Variants in TMEM232 observed in about 807,000 individuals in gnomAD.
TMEM232 encodes transmembrane protein 232.
Under a neutral mutation model 78.8 loss-of-function variants are expected in TMEM232, and 80 were observed. The ratio of observed to expected loss-of-function variants is 1.01; its 90% CI spans 0.85 to 1.22. The LOEUF (loss-of-function observed/expected upper bound fraction) is 1.22. TMEM232 is among the 50% of genes most tolerant of loss of function. The probability of loss-of-function intolerance (pLI) is 0.00; values close to 1 mark genes in which losing one functional copy is unlikely to be tolerated. For missense variants in TMEM232, 881 were observed against 742.2 expected (o/e 1.19, Z -2.17); for synonymous variants, 297 against 254.3 (o/e 1.17, Z -1.60).
chr5:110,588,074 T>A (rs992671757), intron 10 of TMEM232, among the ~76,000 whole-genome samples: 1 of 152,076 alleles, frequency 6.6e-6, no homozygotes, highest in Non-Finnish European at 1.5e-5. Context: ...TAGAATATCA[T>A]TAAAAGATTC....
At chr5:110,657,667 T>C (rs1789266841) in intron 2 of TMEM232, among the ~76,000 whole-genome samples, 1 of 152,088 alleles carries the variant, frequency 6.6e-6, no homozygotes, top group South Asian at 2.1e-4. Flanking sequence ...GAATTTGTTT[T>C]CGTGTTCTAT....
intron 10 of TMEM232, among the ~76,000 whole-genome samples, chr5:110,595,913 G>A (rs1780102884): frequency 6.6e-6 from 1 of 152,046 alleles, no homozygotes; most frequent in African/African-American, 2.4e-5. Context: ...GCAAATTCAG[G>A]AAATACAGAG....
chr5:110,615,281 A>C (rs1782785137), intron 8 of TMEM232, among the ~76,000 whole-genome samples: 2 of 152,090 alleles, frequency 1.3e-5, no homozygotes, highest in East Asian at 3.9e-4. Flanking sequence ...ACATATACAA[A>C]GGCCTTTGGT....
intron 11 of TMEM232, among the ~76,000 whole-genome samples, chr5:110,541,210 A>T (rs1773065667): frequency 6.6e-6 from 1 of 152,144 alleles, no homozygotes; most frequent in African/African-American, 2.4e-5. Context: ...GGCCTAACTT[A>T]GCTTCGGTGG....
chr5:110,718,630 A>C (rs1797264674), intron 1 of TMEM232, among the ~76,000 whole-genome samples: 1 of 151,886 alleles, frequency 6.6e-6, no homozygotes, highest in African/African-American at 2.4e-5. Flanking sequence ...TGTGAAGATT[A>C]ATTTTTTTTT....
chr5:110,628,595 T>C (rs986830154), intron 5 of TMEM232, among the ~76,000 whole-genome samples: 2 of 151,890 alleles, frequency 1.3e-5, no homozygotes, highest in Non-Finnish European at 2.9e-5. Flanking sequence ...ACATTAACTA[T>C]AGAAATGGAA....
intron 2 of TMEM232, among the ~76,000 whole-genome samples, chr5:110,648,741 T>A (rs1252583804): frequency 6.6e-6 from 1 of 152,062 alleles, no homozygotes; most frequent in Non-Finnish European, 1.5e-5. Flanking sequence ...GTGAATAAAC[T>A]ATAAATACCT....
chr5:110,498,149 A>G (rs945398265), intron 12 of TMEM232, among the ~76,000 whole-genome samples: 5 of 152,196 alleles, frequency 3.3e-5, no homozygotes, highest in Non-Finnish European at 7.4e-5. Flanking sequence ...CAAATCTGGA[A>G]GCATTTATAC....
chr5:110,553,001 C>G (rs1400225878), intron 11 of TMEM232, among the ~76,000 whole-genome samples: 1 of 152,078 alleles, frequency 6.6e-6, no homozygotes, highest in Non-Finnish European at 1.5e-5. Context: ...TAGGGAACCC[C>G]TTCCTCATTG....
At chr5:110,723,602 C>T (rs72773187) in intron 1 of TMEM232, among the ~76,000 whole-genome samples, 1 of 152,078 alleles carries the variant, frequency 6.6e-6, no homozygotes, top group Non-Finnish European at 1.5e-5. Context: ...GTTTACACAA[C>T]TCTCCCTATA....
At chr5:110,523,749 T>C (rs966262985) in intron 12 of TMEM232, among the ~76,000 whole-genome samples, 3 of 151,862 alleles carry the variant, frequency 2.0e-5, no homozygotes, top group Non-Finnish European at 4.4e-5. Flanking sequence ...GCCCAGGAGT[T>C]TGAGACTACC....
intron 1 of TMEM232, among the ~76,000 whole-genome samples, chr5:110,700,072 A>G (rs893390385): frequency 6.6e-6 from 1 of 152,080 alleles, no homozygotes; most frequent in Non-Finnish European, 1.5e-5. Flanking sequence ...TCCACTAAGC[A>G]ATTTTCTTAA....
intron 12 of TMEM232, among the ~76,000 whole-genome samples, chr5:110,502,652 T>A (rs1417477785): frequency 6.6e-6 from 1 of 152,148 alleles, no homozygotes; most frequent in African/African-American, 2.4e-5. Flanking sequence ...TGGTCTGGCT[T>A]CAATATGCGA....
At chr5:110,476,444 C>G (rs1050959331) in intron 12 of TMEM232, among the ~76,000 whole-genome samples, 1 of 151,974 alleles carries the variant, frequency 6.6e-6, no homozygotes, top group Non-Finnish European at 1.5e-5. Flanking sequence ...TTATCTTGAA[C>G]TTCCAGCATC....
chr5:110,573,513 T>A (rs753019149), intron 10 of TMEM232, among the ~76,000 whole-genome samples: 5 of 152,080 alleles, frequency 3.3e-5, no homozygotes, highest in Admixed American at 6.6e-5. Context: ...GAATGCTAGA[T>A]GCCAGCCACT....
chr5:110,728,680 C>A (rs1301438651), upstream of TMEM232, among the ~76,000 whole-genome samples: 1 of 150,610 alleles, frequency 6.6e-6, no homozygotes, highest in African/African-American at 2.4e-5. Flanking sequence ...TTTGACAAGA[C>A]AAATCTAATT....
At chr5:110,399,623 T>A (rs2112567242) in intron 2 of TMEM232, among the ~76,000 whole-genome samples, 1 of 152,230 alleles carries the variant, frequency 6.6e-6, no homozygotes, top group African/African-American at 2.4e-5. Flanking sequence ...CCCCTTACCC[T>A]TGTCCTGGGA....
At chr5:110,652,292 G>GCACACA (rs1437198025) in intron 2 of TMEM232, among the ~76,000 whole-genome samples, 1 of 5,010 alleles carries the variant, frequency 2.0e-4, no homozygotes, top group African/African-American at 4.4e-4. Flanking sequence ...GTGCACGCGC[G>GCACACA]CGCACACACA....
chr5:110,706,982 A>C (rs540014048), intron 1 of TMEM232, among the ~76,000 whole-genome samples: 1 of 152,342 alleles, frequency 6.6e-6, no homozygotes, highest in African/African-American at 2.4e-5. Context: ...TCAAATCTCT[A>C]AATTATTTTA....
Sources: allele counts gnomAD v4.1 joint callset (sites outside exome capture counted in the v4.1 genomes callset), GRCh38; gene constraint gnomAD v4.1.1; transcripts MANE v1.5; gene names NCBI Gene and HGNC (gene_info 2026-07-23, HGNC 2026-07-21).